The following HPF1 variants were observed in gnomAD, a reference collection of about 807,000 sequenced individuals.
HPF1 encodes histone PARylation factor 1.
In HPF1, 35 loss-of-function variants were observed where a neutral mutation model predicts 38.8. The ratio of observed to expected loss-of-function variants is 0.90; its 90% CI spans 0.69 to 1.19. The LOEUF (loss-of-function observed/expected upper bound fraction) is 1.19, where lower values mean the gene tolerates loss of function less well. Among genes scored for constraint, HPF1 ranks in the 50% most tolerant of loss-of-function variants. HPF1 has a pLI of 0.00. For missense variants in HPF1, 367 were observed against 405.8 expected (o/e 0.90, Z 0.82); for synonymous variants, 115 against 139.2 (o/e 0.83, Z 1.22).
intron 1 of HPF1, among the ~76,000 whole-genome samples, chr4:169,756,652 A>T (rs1368357750): frequency 6.6e-6 from 1 of 152,212 alleles, no homozygotes; most frequent in Non-Finnish European, 1.5e-5. Flanking sequence ...GAATGTTATT[A>T]TATGTAAAAA....
Position 169,731,694 on chromosome 4 carries a change from T to G in HPF1, c.909+10A>C. 6.6e-7 allele frequency: 1 copy of G among 1,506,410 alleles called. No individual in the cohort carries two copies. Among genetic ancestry groups the G allele is most frequent in the Non-Finnish European group, 8.8e-7 (1 of 1,132,666 alleles). 93.3% of individuals were successfully genotyped at this position (1,506,410 alleles called of 1,614,324 possible). A position where few individuals can be genotyped will look rare whatever the true frequency, so the allele number is the denominator to read the frequency against. ...GCAGTGGGTAGAAGGTGGAGGGTTTTTTTACTCACATGTGAGCCATAGCAA... is the reference window on the plus strand; with the variant it reads ...GCAGTGGGTAGAAGGTGGAGGGTTTGTTTACTCACATGTGAGCCATAGCAA... On this transcript the variant is annotated intron_variant, in intron 7 of 7. Transcript: ENST00000393381.
chr4:169,749,104 A>G (rs1244184721), intron 3 of HPF1, among the ~76,000 whole-genome samples: 5 of 152,206 alleles, frequency 3.3e-5, no homozygotes, highest in Non-Finnish European at 7.4e-5. Flanking sequence ...TGTTTAAGTG[A>G]AAAATGTAAT....
chr4:169,739,434 A>T (rs1733937781), intron 5 of HPF1, among the ~76,000 whole-genome samples: 1 of 152,144 alleles, frequency 6.6e-6, no homozygotes, highest in Non-Finnish European at 1.5e-5. Flanking sequence ...GTTAAAAAAA[A>T]AATACAATGG....
At chr4:169,734,802 A>AT (rs1382325666) in intron 6 of HPF1, among the ~76,000 whole-genome samples, 13 of 152,210 alleles carry the variant, frequency 8.5e-5, no homozygotes, top group Non-Finnish European at 1.9e-4. Flanking sequence ...CTAGGCAGGC[A>AT]ACTCTTCTTA....
At position 169,757,824 on chromosome 4, in the gene HPF1, C is replaced by T; in HGVS notation, c.48+6G>A. The T allele has an allele frequency of 6.4e-7, 1 of 1,559,462 alleles. No individual in the cohort carries two copies. Reference sequence around the variant, plus strand: ...CGCGTAGCCCGCACAGCCTTTCCGGCAGTACCTGCGGCCCCTCTCCGCCGG... The same window carrying T: ...CGCGTAGCCCGCACAGCCTTTCCGGTAGTACCTGCGGCCCCTCTCCGCCGG... On this transcript the variant is annotated splice_donor_region_variant and intron_variant, in intron 1 of 7. Transcript: ENST00000393381.
rs372065647 is a variant in HPF1 at position 169,737,663 on chromosome 4, C to T, written c.733G>A (p.Asp245Asn). Residue 245 changes from aspartate to asparagine, a missense_variant, in exon 6 of 8, where the codon GAT (aspartate) becomes AAT (asparagine). Asp to Asn is a conservative substitution (Grantham distance 23). Transcript: ENST00000393381. ...DVGYRELPET[D>N]ADLKRICKTI... The stretch of plus-strand genomic sequence containing the variant: ...TGTTTACTATGAAATACATTACCAT[C>T]TGTTTCAGGGAGCTCTCGGTACCCA... 42 of 1,571,742 alleles carry T rather than the reference C, an allele frequency of 2.7e-5. 1 individual carries two copies. Among genetic ancestry groups the T allele is most frequent in the South Asian group, 1.6e-4 (14 of 90,256 alleles).
At chr4:169,732,704 C>T (rs1167975480) in intron 6 of HPF1, among the ~76,000 whole-genome samples, 2 of 152,150 alleles carry the variant, frequency 1.3e-5, no homozygotes, top group Non-Finnish European at 2.9e-5. Context: ...GGTTCATGCA[C>T]TATATAGTTG....
At chr4:169,753,028 G>GTTTTTTTTTTTTTTTTTT (rs71590035) in intron 2 of HPF1, among the ~76,000 whole-genome samples, 2 of 103,890 alleles carry the variant, frequency 1.9e-5, no homozygotes, top group Non-Finnish European at 3.5e-5. Context: ...CCTTGGTTAG[G>GTTTTTTTTTTTTTTTTTT]TTTTTTTTTT....
chr4:169,753,855 C>G lies in HPF1; in HGVS notation c.49-20G>C. The G allele has an allele frequency of 6.3e-7, 1 of 1,594,910 alleles. No individual in the cohort carries two copies. Among genetic ancestry groups the G allele is most frequent in the Non-Finnish European group, 8.5e-7 (1 of 1,171,296 alleles). On this transcript the variant is annotated intron_variant, in intron 1 of 7. Coordinates refer to ENST00000393381, the MANE Select transcript of HPF1 (RefSeq NM_017867.3). The stretch of plus-strand genomic sequence containing the variant: ...TTCACACTGAAAATTGGCACACAAA[C>G]TTTAGTTCTCCAAATTTCAGTAACT...
rs1733917124 is a variant in HPF1 at position 169,737,744 on chromosome 4, C to A, written c.652G>T (p.Val218Leu). 1 of 1,601,710 alleles carries A rather than the reference C, an allele frequency of 6.2e-7. No homozygotes were observed. Among genetic ancestry groups the A allele is most frequent in the African/African-American group, 1.3e-5 (1 of 74,602 alleles). The stretch of plus-strand genomic sequence containing the variant: ...CCTGCACCATGAAAGGTCTTTGTCA[C>A]AACCTACATTAAAGAAAAGAATAAA... ...VKMKQRDKKV[V>L]TKTFHGAGLV... is the part of the protein sequence containing the mutation. The change falls in exon 6 of 8, where the codon GTG becomes TTG. Residue 218 changes from valine to leucine, a missense_variant. Physicochemically the swap from Val to Leu is conservative, Grantham distance 32. Transcript: ENST00000393381.
chr4:169,737,794 A>C (rs540065756), intron 5 of HPF1, 47 bp from the exon 6 acceptor site: 450 of 553,430 alleles, frequency 8.1e-4, no homozygotes, highest in Non-Finnish European at 1.1e-3. Context: ...AGCAGACATC[A>C]AAAAAAAAAA....
chr4:169,740,355 G>A (rs777358124), intron 5 of HPF1, among the ~76,000 whole-genome samples: 1 of 152,066 alleles, frequency 6.6e-6, no homozygotes, highest in Non-Finnish European at 1.5e-5. Flanking sequence ...TTTGTTGTAG[G>A]GAGTCAAATG....
At chr4:169,745,198 G>C (rs1734031810) in intron 4 of HPF1, among the ~76,000 whole-genome samples, 1 of 152,194 alleles carries the variant, frequency 6.6e-6, no homozygotes, top group Non-Finnish European at 1.5e-5. Context: ...CTTGAAGTCG[G>C]AAGAGGCCTC....
intron 4 of HPF1, among the ~76,000 whole-genome samples, chr4:169,746,091 A>G (rs186634549): frequency 2.4e-3 from 372 of 152,346 alleles, no homozygotes; most frequent in African/African-American, 8.3e-3. Flanking sequence ...TTCCATATGC[A>G]TTAGACAGTA....
chr4:169,742,080 TTCTC>T lies in HPF1; in HGVS notation c.521_524del (p.Arg174LysfsTer2). 6.2e-6 allele frequency: 10 copies of T among 1,611,796 alleles called. No homozygotes were observed. The highest frequency in any genetic ancestry group is 8.5e-6 in the Non-Finnish European group (10 of 1,178,490). On this transcript the variant is annotated frameshift_variant, in exon 5 of 8. Transcript: ENST00000393381. LOFTEE classifies it high-confidence loss of function. ...GATTGATTTTCTTTTTATCCGTTAT[TTCTC>T]TAAGTTTTTTCGTCAAAAATAATCT...
chr4:169,733,570 G>C (rs1180947599), intron 6 of HPF1, among the ~76,000 whole-genome samples: 2 of 152,140 alleles, frequency 1.3e-5, no homozygotes, highest in African/African-American at 4.8e-5. Context: ...GTTCTGATGA[G>C]ACTAACGAAA....
At chr4:169,735,452 G>A (rs2150289247) in intron 6 of HPF1, among the ~76,000 whole-genome samples, 1 of 152,300 alleles carries the variant, frequency 6.6e-6, no homozygotes, top group East Asian at 1.9e-4. Context: ...AAATGACACT[G>A]GCAAGAGCAA....
chr4:169,730,323 CACA>C (rs1733813210), intron 7 of HPF1, among the ~76,000 whole-genome samples: 1 of 152,218 alleles, frequency 6.6e-6, no homozygotes, highest in Admixed American at 6.5e-5. Context: ...ATTTCATTCT[CACA>C]ACAAGCAAGT....
At chr4:169,731,508 T>C (rs1733827831) in intron 7 of HPF1, among the ~76,000 whole-genome samples, 196 bp downstream of exon 7, 1 of 152,108 alleles carries the variant, frequency 6.6e-6, no homozygotes, top group Non-Finnish European at 1.5e-5. Context: ...ATAAGATGAG[T>C]TTAAAACATT....
Sources: allele counts gnomAD v4.1 joint callset (sites outside exome capture counted in the v4.1 genomes callset), GRCh38; gene constraint gnomAD v4.1.1; transcripts MANE v1.5; gene names NCBI Gene and HGNC (gene_info 2026-07-23, HGNC 2026-07-21).